Variants in CPEB1 observed in about 807,000 individuals in gnomAD.
CPEB1 encodes the protein cytoplasmic polyadenylation element-binding protein 1.
A neutral mutation model predicts 65.8 loss-of-function variants in CPEB1; 7 were observed. The ratio of observed to expected loss-of-function variants is 0.11; its 90% CI spans 0.06 to 0.20. The LOEUF (loss-of-function observed/expected upper bound fraction) is 0.20. Among genes scored for constraint, CPEB1 ranks in the 10% least tolerant of loss-of-function variants. CPEB1 has a pLI of 1.00. For synonymous variants in CPEB1, 262 were observed against 260.0 expected (o/e 1.01, Z -0.08); for missense variants, 551 against 712.2 (o/e 0.77, Z 2.58).
At chr15:82,544,889 C>T (rs1406829921) in intron 12 of CPEB1, among the ~76,000 whole-genome samples, 187 bp from the exon 13 acceptor site, 1 of 152,120 alleles carries the variant, frequency 6.6e-6, no homozygotes, top group Non-Finnish European at 1.5e-5. Flanking sequence ...TATGGCAAAC[C>T]CACCATCCTT....
chr15:82,624,911 C>A (rs1290387201), intron 3 of CPEB1, among the ~76,000 whole-genome samples: 2 of 151,926 alleles, frequency 1.3e-5, no homozygotes, highest in African/African-American at 4.8e-5. Flanking sequence ...AACCACAGTT[C>A]ACCGCAGTCT....
intron 3 of CPEB1, among the ~76,000 whole-genome samples, chr15:82,592,559 C>CA (rs1349353346): frequency 2.9e-5 from 4 of 138,184 alleles, no homozygotes; most frequent in Non-Finnish European, 6.1e-5. Flanking sequence ...GCCTGGATGA[C>CA]AGAGCCAGAT....
At chr15:82,548,679 T>C (rs2035713985) in intron 10 of CPEB1, 1 of 455,600 alleles carries the variant, frequency 2.2e-6, no homozygotes, top group Non-Finnish European at 4.4e-6. Flanking sequence ...TGGAGACCTA[T>C]TAAGAGAGCT....
rs1443716055 is a variant in CPEB1 at position 82,627,349 on chromosome 15, T to A, written c.115A>T (p.Ile39Leu). The change falls in exon 3 of 13, where the codon ATA (isoleucine) becomes TTA (leucine). Residue 39 changes from isoleucine (I) to leucine (L), a missense_variant. Physicochemically the swap from Ile to Leu is conservative, Grantham distance 5. Around this residue, in one of 6 missense-constraint regions of CPEB1, gnomAD observed 223 missense variants for 228.6 expected, o/e 0.98. Coordinates refer to ENST00000684509, the MANE Select transcript of CPEB1 (RefSeq NM_001365242.1). ...TCCTGGTTGTCCCAGCAATCTTTTA[T>A]CCTTCCTGCTTCTTCTTCCTAGACA... ...LIPLEEEAGR[I>L]KDCWDNQEAP... 2 of 1,612,460 alleles carry A rather than the reference T, an allele frequency of 1.2e-6. No individual in the cohort carries two copies. Among genetic ancestry groups the A allele is most frequent in the South Asian group, 2.2e-5 (2 of 90,714 alleles).
intron 6 of CPEB1, among the ~76,000 whole-genome samples, chr15:82,554,931 T>C (rs147114065): frequency 1.1e-3 from 168 of 152,270 alleles, no homozygotes; most frequent in African/African-American, 4.0e-3. Context: ...CCAGAGAAAG[T>C]ACAAAGATGG....
intron 3 of CPEB1, among the ~76,000 whole-genome samples, chr15:82,619,392 T>TA (rs1245984921): frequency 6.6e-6 from 1 of 152,196 alleles, no homozygotes; most frequent in Non-Finnish European, 1.5e-5. Flanking sequence ...AAATATTTCT[T>TA]AAACAGGCCA....
chr15:82,580,739 TGTAGGG>T (rs1488760689), intron 3 of CPEB1, among the ~76,000 whole-genome samples: 3 of 152,238 alleles, frequency 2.0e-5, no homozygotes, highest in African/African-American at 7.2e-5. Context: ...ATTTGACTAT[TGTAGGG>T]ACCTTGTAAG....
intron 3 of CPEB1, among the ~76,000 whole-genome samples, chr15:82,612,664 A>G (rs2044283022): frequency 6.6e-6 from 1 of 151,742 alleles, no homozygotes; most frequent in Non-Finnish European, 1.5e-5. Context: ...GTGAAACCCC[A>G]TCTCTATTAA....
intron 3 of CPEB1, among the ~76,000 whole-genome samples, chr15:82,618,194 A>G (rs1325878400): frequency 6.6e-6 from 1 of 152,080 alleles, no homozygotes; most frequent in Admixed American, 6.6e-5. Flanking sequence ...ACCATTTTGC[A>G]TTCCTACCAG....
At chr15:82,569,708 G>A (rs1304333463) in intron 4 of CPEB1, among the ~76,000 whole-genome samples, 1 of 152,218 alleles carries the variant, frequency 6.6e-6, no homozygotes, top group African/African-American at 2.4e-5. Flanking sequence ...ATGTTATAAT[G>A]TATTTCAGAA....
chr15:82,562,903 G>A (rs1172658782), intron 4 of CPEB1, among the ~76,000 whole-genome samples: 1 of 150,874 alleles, frequency 6.6e-6, no homozygotes, highest in East Asian at 1.9e-4. Flanking sequence ...AAATACTTAA[G>A]AGAAAAAAAA....
At chr15:82,573,837 G>A (rs889806290) in intron 3 of CPEB1, among the ~76,000 whole-genome samples, 16 of 152,154 alleles carry the variant, frequency 1.1e-4, no homozygotes, top group Admixed American at 2.0e-4. Flanking sequence ...TTGAGCAGTC[G>A]GGTGTGGTGG....
chr15:82,624,933 G>A (rs2045630478), intron 3 of CPEB1, among the ~76,000 whole-genome samples: 1 of 151,978 alleles, frequency 6.6e-6, no homozygotes, highest in South Asian at 2.1e-4. Context: ...GACCTCCCAG[G>A]CTCAAGTGAT....
intron 3 of CPEB1, 34 bp downstream of exon 3, chr15:82,627,158 TG>T: frequency 6.3e-7 from 1 of 1,581,964 alleles, no homozygotes; most frequent in Non-Finnish European, 8.6e-7. Context: ...TCTGTACAGA[TG>T]CCTACCACGT....
At chr15:82,598,706 A>T (rs1183629777) in intron 3 of CPEB1, among the ~76,000 whole-genome samples, 1 of 152,062 alleles carries the variant, frequency 6.6e-6, no homozygotes, top group Admixed American at 6.5e-5. Flanking sequence ...AATCTTTTGA[A>T]CCCAGGAGGT....
intron 3 of CPEB1, among the ~76,000 whole-genome samples, chr15:82,581,043 T>C (rs2041234406): frequency 6.6e-6 from 1 of 152,100 alleles, no homozygotes; most frequent in Middle Eastern, 3.2e-3. Context: ...AGTCTCCCCA[T>C]GTTGCCCAGG....
chr15:82,619,195 A>G (rs2045057921), intron 3 of CPEB1, among the ~76,000 whole-genome samples: 1 of 152,230 alleles, frequency 6.6e-6, no homozygotes, highest in Non-Finnish European at 1.5e-5. Flanking sequence ...TGGCAATACA[A>G]TTTAAAAGAA....
intron 3 of CPEB1, among the ~76,000 whole-genome samples, chr15:82,607,017 G>GACAAGGAAATTAAAGAA (rs2043677940): frequency 6.6e-6 from 1 of 151,540 alleles, no homozygotes; most frequent in Admixed American, 6.6e-5. Context: ...AAATTAAAGA[G>GACAAGGAAATTAAAGAA]ACAAGGAAAT....
At chr15:82,550,661 C>T (rs974355790) in intron 9 of CPEB1, among the ~76,000 whole-genome samples, 3 of 152,030 alleles carry the variant, frequency 2.0e-5, no homozygotes, top group East Asian at 1.9e-4. Context: ...CAGGACATCC[C>T]GAAGAAGGAT....
Sources: gnomAD v4.1 joint callset for allele counts (sites outside exome capture counted in the v4.1 genomes callset) on GRCh38, gnomAD v4.1.1 for gene constraint, gnomAD v4.1.1 regional missense constraint, MANE v1.5 for transcripts, NCBI Gene and HGNC (gene_info 2026-07-23, HGNC 2026-07-21) for gene names.